Variants in GUCY1A2 observed in about 807,000 individuals in gnomAD.
The protein encoded by GUCY1A2 is guanylate cyclase 1 soluble subunit alpha 2, also known as guanylate cyclase soluble subunit alpha-2.
Under a neutral mutation model 63.5 loss-of-function variants are expected in GUCY1A2, and 27 were observed. The ratio of observed to expected loss-of-function variants is 0.43; its 90% CI spans 0.31 to 0.59. The LOEUF (loss-of-function observed/expected upper bound fraction) is 0.59, where lower values mean the gene tolerates loss of function less well. Ranked by LOEUF, GUCY1A2 falls within the 20% of genes least tolerant of loss-of-function variation. GUCY1A2 has a pLI of 0.11. For missense variants in GUCY1A2, 768 were observed against 913.3 expected (o/e 0.84, Z 2.05); for synonymous variants, 364 against 343.5 (o/e 1.06, Z -0.66).
chr11:106,990,770 C>T (rs1861460753), intron 1 of GUCY1A2, among the ~76,000 whole-genome samples: 1 of 152,168 alleles, frequency 6.6e-6, no homozygotes, highest in Non-Finnish European at 1.5e-5. Flanking sequence ...CAAAGTGTAT[C>T]CTTTTGCACT....
intron 6 of GUCY1A2, among the ~76,000 whole-genome samples, chr11:106,742,233 T>C (rs951991529): frequency 6.6e-6 from 1 of 152,206 alleles, no homozygotes; most frequent in Non-Finnish European, 1.5e-5. Flanking sequence ...GCAGGTTTGT[T>C]ACACAGATAA....
At chr11:106,887,621 C>T (rs143279122) in intron 4 of GUCY1A2, among the ~76,000 whole-genome samples, 4 of 152,310 alleles carry the variant, frequency 2.6e-5, no homozygotes, top group Non-Finnish European at 5.9e-5. Flanking sequence ...ACTTCAATGA[C>T]TCTGAGTCAC....
rs17106050 is a variant in GUCY1A2, at chr11:106,760,539, G to A, written c.1836+15900C>T. 6.5e-3 allele frequency among the ~76,000 whole-genome samples: 991 copies of A among 152,150 alleles called. 9 individuals are homozygous for A. The highest frequency in any genetic ancestry group is 0.023 in the African/African-American group (936 of 41,500). ...AATAGTATTTACAACTTGATATTTGGACAAAGTAGGTAAAATAATTTTATT... is the reference window on the plus strand; with the variant it reads ...AATAGTATTTACAACTTGATATTTGAACAAAGTAGGTAAAATAATTTTATT... On this transcript the variant is annotated intron_variant, in intron 6 of 7. Transcript: ENST00000526355.
intron 4 of GUCY1A2, among the ~76,000 whole-genome samples, chr11:106,868,823 A>G (rs1238250225): frequency 6.6e-6 from 1 of 152,218 alleles, no homozygotes; most frequent in East Asian, 1.9e-4. Flanking sequence ...AAAAGAACAA[A>G]GCTGGAGGCA....
At position 106,680,353 on chromosome 11, in the gene GUCY1A2, A is replaced by C. The variant is rs1862411929; in HGVS notation, c.*7196T>G. 1 of 210,582 alleles carries C rather than the reference A, an allele frequency of 4.7e-6. No homozygotes were observed. The highest frequency in any genetic ancestry group is 9.6e-6 in the Non-Finnish European group (1 of 103,800). 13.0% of individuals were successfully genotyped at this position (210,582 alleles called of 1,614,324 possible). On this transcript the variant is annotated 3_prime_UTR_variant, in exon 8 of 8. Coordinates refer to ENST00000526355, the MANE Select transcript of GUCY1A2 (RefSeq NM_000855.3). ...TAAGTAGAATTCCTTCTTTATCTGC[A>C]AATAGCAAAAAGTCCACAGAAGAAG...
chr11:106,854,974 T>G (rs1016783533), intron 4 of GUCY1A2, among the ~76,000 whole-genome samples: 1 of 152,164 alleles, frequency 6.6e-6, no homozygotes, highest in Non-Finnish European at 1.5e-5. Context: ...CAGATTTAGC[T>G]GTCATTGTGG....
chr11:106,730,059 A>AATATATATATATATATATAT (rs60486225), intron 6 of GUCY1A2, among the ~76,000 whole-genome samples: 116 of 103,316 alleles, frequency 1.1e-3, no homozygotes, highest in South Asian at 3.2e-3. Context: ...ATCAGCATGG[A>AATATATATATATATATATAT]ATATATATAT....
At chr11:106,872,789 T>C (rs904159312) in intron 4 of GUCY1A2, among the ~76,000 whole-genome samples, 1 of 152,152 alleles carries the variant, frequency 6.6e-6, no homozygotes, top group Non-Finnish European at 1.5e-5. Flanking sequence ...GCTGTTCTTT[T>C]TTTTCTTTTT....
chr11:106,857,707 G>A (rs1591304159), intron 4 of GUCY1A2, among the ~76,000 whole-genome samples: 1 of 152,120 alleles, frequency 6.6e-6, no homozygotes, highest in Non-Finnish European at 1.5e-5. Context: ...AACTGCATCT[G>A]TACTGAACAT....
At chr11:106,890,365 G>C (rs963854968) in intron 4 of GUCY1A2, among the ~76,000 whole-genome samples, 1 of 152,076 alleles carries the variant, frequency 6.6e-6, no homozygotes, top group Non-Finnish European at 1.5e-5. Flanking sequence ...AATATCAAGA[G>C]GAAAACAGTA....
intron 1 of GUCY1A2, among the ~76,000 whole-genome samples, chr11:106,989,273 G>T (rs1861441040): frequency 6.6e-6 from 1 of 152,146 alleles, no homozygotes; most frequent in Non-Finnish European, 1.5e-5. Flanking sequence ...TCAAAAGCAA[G>T]TTCTATGACT....
intron 1 of GUCY1A2, among the ~76,000 whole-genome samples, chr11:107,004,757 T>C (rs922284570): frequency 1.3e-5 from 2 of 152,094 alleles, no homozygotes; most frequent in East Asian, 1.9e-4. Flanking sequence ...TCTGATGAGG[T>C]GACACTGAGC....
intron 4 of GUCY1A2, among the ~76,000 whole-genome samples, chr11:106,903,665 T>C (rs1267727741): frequency 6.6e-6 from 1 of 152,156 alleles, no homozygotes; most frequent in East Asian, 1.9e-4. Context: ...TCTGAGTATA[T>C]ATTGTCATCT....
chr11:106,758,280 T>C (rs1864007699), intron 6 of GUCY1A2, among the ~76,000 whole-genome samples: 3 of 152,354 alleles, frequency 2.0e-5, no homozygotes, highest in African/African-American at 2.4e-5. Context: ...TGCTGGGCTA[T>C]GTGGGCGTGG....
At chr11:106,706,624 C>CTCACACAGG (rs147417450) in intron 7 of GUCY1A2, among the ~76,000 whole-genome samples, 18,478 of 150,164 alleles carry the variant, frequency 0.12, 1,295 homozygotes, top group African/African-American at 0.19. Flanking sequence ...GCATGAACTC[C>CTCACACAGG]TCACACAGGT....
At chr11:106,839,606 A>T (rs191712730) in intron 4 of GUCY1A2, among the ~76,000 whole-genome samples, 1,953 of 152,050 alleles carry the variant, frequency 0.013, 27 homozygotes, top group South Asian at 0.048. Flanking sequence ...CTTGGAACCA[A>T]CCCAAATGTC....
intron 4 of GUCY1A2, among the ~76,000 whole-genome samples, chr11:106,895,207 G>C (rs1008819909): frequency 6.6e-6 from 1 of 152,098 alleles, no homozygotes; most frequent in African/African-American, 2.4e-5. Flanking sequence ...AATCTGTAAA[G>C]CTCTATATCT....
At chr11:106,790,987 A>G (rs1591278424) in intron 5 of GUCY1A2, among the ~76,000 whole-genome samples, 1 of 152,302 alleles carries the variant, frequency 6.6e-6, no homozygotes, top group East Asian at 1.9e-4. Flanking sequence ...TAGCTGCCCA[A>G]GTTGGTATCT....
chr11:106,920,311 G>A (rs1191454883), intron 4 of GUCY1A2, among the ~76,000 whole-genome samples: 2 of 151,974 alleles, frequency 1.3e-5, no homozygotes, highest in Non-Finnish European at 2.9e-5. Flanking sequence ...GTTACATTAG[G>A]CAGTGGATTC....
Sources: gnomAD v4.1 joint callset for allele counts (sites outside exome capture counted in the v4.1 genomes callset) on GRCh38, gnomAD v4.1.1 for gene constraint, MANE v1.5 for transcripts, NCBI Gene and HGNC (gene_info 2026-07-23, HGNC 2026-07-21) for gene names.